Variants in KCTD8 observed in about 807,000 individuals in gnomAD.
KCTD8 encodes BTB/POZ domain-containing protein KCTD8.
KCTD8 carries 27 observed loss-of-function variants against 31.5 expected under a neutral mutation model. The ratio of observed to expected loss-of-function variants is 0.86; its 90% CI spans 0.63 to 1.18. The LOEUF is 1.18. Ranked by LOEUF, KCTD8 falls within the 50% of genes most tolerant of loss-of-function variation. The probability of loss-of-function intolerance (pLI) is 0.00; values close to 1 mark genes in which losing one functional copy is unlikely to be tolerated. For missense variants in KCTD8, 658 were observed against 647.7 expected (o/e 1.02, Z -0.17); for synonymous variants, 290 against 280.0 (o/e 1.04, Z -0.36).
chr4:44,249,523 C>T (rs551792543), intron 1 of KCTD8, among the ~76,000 whole-genome samples: 4 of 151,644 alleles, frequency 2.6e-5, no homozygotes, highest in Non-Finnish European at 4.4e-5. Flanking sequence ...TTATTGAATT[C>T]TGCCATTAAA....
At chr4:44,298,412 C>G (rs1030977294) in intron 1 of KCTD8, among the ~76,000 whole-genome samples, 1 of 151,306 alleles carries the variant, frequency 6.6e-6, no homozygotes, top group South Asian at 2.1e-4. Flanking sequence ...ATCTGCCCCC[C>G]CCACCTCTTT....
chr4:44,280,634 T>C (rs1403729439), intron 1 of KCTD8, among the ~76,000 whole-genome samples: 1 of 152,144 alleles, frequency 6.6e-6, no homozygotes, highest in Admixed American at 6.6e-5. Flanking sequence ...AGGGGACAGA[T>C]GCATTTCTAT....
chr4:44,444,280 C>T (rs980734272), intron 1 of KCTD8, among the ~76,000 whole-genome samples: 2 of 152,184 alleles, frequency 1.3e-5, no homozygotes, highest in African/African-American at 4.8e-5. Context: ...GAAATGGGTT[C>T]TGTTGGAGTC....
At chr4:44,209,700 A>G (rs1367719384) in intron 1 of KCTD8, among the ~76,000 whole-genome samples, 1 of 152,174 alleles carries the variant, frequency 6.6e-6, no homozygotes, top group Non-Finnish European at 1.5e-5. Flanking sequence ...TATTTTGTCC[A>G]TGATTACTCA....
intron 1 of KCTD8, among the ~76,000 whole-genome samples, chr4:44,226,828 T>C (rs910466204): frequency 6.6e-6 from 1 of 152,206 alleles, no homozygotes; most frequent in African/African-American, 2.4e-5. Context: ...TTTGACCACA[T>C]AAATGTCTTC....
intron 1 of KCTD8, among the ~76,000 whole-genome samples, chr4:44,343,124 T>G (rs913363756): frequency 6.6e-6 from 1 of 152,244 alleles, no homozygotes; most frequent in African/African-American, 2.4e-5. Flanking sequence ...AAGGCCTAGC[T>G]TTTGATCTGT....
chr4:44,410,549 C>T (rs1365215121), intron 1 of KCTD8, among the ~76,000 whole-genome samples: 2 of 152,042 alleles, frequency 1.3e-5, no homozygotes, highest in African/African-American at 4.8e-5. Context: ...TTTAATGCTG[C>T]TGATAAAGAC....
intron 1 of KCTD8, among the ~76,000 whole-genome samples, chr4:44,416,790 A>G (rs1721088569): frequency 6.6e-6 from 1 of 152,162 alleles, no homozygotes; most frequent in Admixed American, 6.5e-5. Context: ...CAAAATAAAA[A>G]TCTCTTTTCT....
chr4:44,340,677 A>G (rs1186879180), intron 1 of KCTD8, among the ~76,000 whole-genome samples: 1 of 152,092 alleles, frequency 6.6e-6, no homozygotes, highest in Non-Finnish European at 1.5e-5. Flanking sequence ...AATACTACTG[A>G]GCAATAATAA....
At chr4:44,251,472 TTG>T (rs1363736644) in intron 1 of KCTD8, among the ~76,000 whole-genome samples, 1 of 151,680 alleles carries the variant, frequency 6.6e-6, no homozygotes, top group African/African-American at 2.4e-5. Context: ...CTCAACTTAT[TTG>T]TGTCTTTTCA....
intron 1 of KCTD8, among the ~76,000 whole-genome samples, chr4:44,196,651 T>C (rs1159883324): frequency 1.3e-5 from 2 of 152,196 alleles, no homozygotes; most frequent in Non-Finnish European, 2.9e-5. Context: ...GCCACCCACC[T>C]GGGACCAGTG....
chr4:44,338,792 A>G (rs906510899), intron 1 of KCTD8, among the ~76,000 whole-genome samples: 1 of 152,248 alleles, frequency 6.6e-6, no homozygotes, highest in Non-Finnish European at 1.5e-5. Context: ...CTTCAAAAGT[A>G]GATACATTTA....
At chr4:44,423,419 G>A (rs909838405) in intron 1 of KCTD8, among the ~76,000 whole-genome samples, 6 of 152,088 alleles carry the variant, frequency 3.9e-5, no homozygotes, top group Admixed American at 3.9e-4. Flanking sequence ...ATTATTTAGT[G>A]AACTGTCAAG....
chr4:44,388,567 A>T (rs1720284485), intron 1 of KCTD8, among the ~76,000 whole-genome samples: 1 of 151,854 alleles, frequency 6.6e-6, no homozygotes, highest in South Asian at 2.1e-4. Flanking sequence ...ATATGGATGG[A>T]GCTGAAGGTC....
rs1288614021 is a variant in KCTD8, at chr4:44,447,606, G to T, written c.918C>A (p.Arg306=). 1 of 1,602,870 alleles carries T rather than the reference G, an allele frequency of 6.2e-7. No homozygotes were observed. Among genetic ancestry groups the T allele is most frequent in the South Asian group, 1.1e-5 (1 of 88,866 alleles). ...TGTAGCTGCTCCAGATCTTGTCGTC[G>T]CGGTACTGGTTGACGAAGGCGGCGG... is the stretch of plus-strand genomic sequence containing the variant. ...SGTAAFVNQY[R]DDKIWSSYTE... Residue 306 remains arginine (R), a synonymous_variant, in exon 1 of 2, where the codon CGC becomes CGA. Transcript: ENST00000360029.
chr4:44,405,317 G>T (rs1245192085), intron 1 of KCTD8, among the ~76,000 whole-genome samples: 1 of 152,104 alleles, frequency 6.6e-6, no homozygotes, highest in Non-Finnish European at 1.5e-5. Context: ...GAGTGTAGTG[G>T]CATGATCTCA....
At chr4:44,379,928 G>T (rs951758316) in intron 1 of KCTD8, among the ~76,000 whole-genome samples, 2 of 151,872 alleles carry the variant, frequency 1.3e-5, no homozygotes, top group African/African-American at 4.8e-5. Context: ...ATATAGTTAG[G>T]TGTTCTTTTT....
chr4:44,358,654 C>T (rs535143249), intron 1 of KCTD8, among the ~76,000 whole-genome samples: 78 of 152,038 alleles, frequency 5.1e-4, no homozygotes, highest in African/African-American at 1.8e-3. Flanking sequence ...CCGAAAGCTC[C>T]GCCTCCCGGG....
At chr4:44,235,574 T>G (rs1253690406) in intron 1 of KCTD8, among the ~76,000 whole-genome samples, 26 of 57,818 alleles carry the variant, frequency 4.5e-4, no homozygotes, top group African/African-American at 1.9e-3. Context: ...TATATATATA[T>G]ATTTAGAGAG....
Sources: gnomAD v4.1 joint callset for allele counts (sites outside exome capture counted in the v4.1 genomes callset) on GRCh38, gnomAD v4.1.1 for gene constraint, MANE v1.5 for transcripts, NCBI Gene and HGNC (gene_info 2026-07-23, HGNC 2026-07-21) for gene names.